Variants in BRIP1 observed in about 807,000 individuals in gnomAD.
The protein encoded by BRIP1 is Fanconi anemia group J protein.
BRIP1 carries 88 observed loss-of-function variants against 119.7 expected under a neutral mutation model. The observed-to-expected ratio is 0.74, with a 90% CI of 0.62 to 0.88. The LOEUF (loss-of-function observed/expected upper bound fraction) is 0.88. Ranked by LOEUF, BRIP1 falls within the 40% of genes least tolerant of loss-of-function variation. The pLI is 0.00. For synonymous variants in BRIP1, 443 were observed against 496.5 expected (o/e 0.89, Z 1.43); for missense variants, 1,259 against 1,455.4 (o/e 0.87, Z 2.20).
Position 61,684,222 on chromosome 17 carries a change from A to G in BRIP1, c.2906-82T>C. On this transcript the variant is annotated intron_variant, in intron 19 of 19. Coordinates refer to ENST00000259008, the MANE Select transcript of BRIP1 (RefSeq NM_032043.3). The surrounding 1 kb of genome is among the most constrained non-coding windows in gnomAD (Gnocchi z 4.5). ...TAGGTTAAAATAATTATTTATTAGA[A>G]ATACCTAAATAACTGTATAGGATAC... 8 of 1,450,716 alleles carry G rather than the reference A, an allele frequency of 5.5e-6. 1 individual carries two copies. In the South Asian group the frequency reaches 1.0e-4, roughly 18 times the overall value. The allele number at this position is 1,450,716 out of a possible 1,614,324, so 89.9% of individuals were successfully genotyped here.
At chr17:61,715,183 C>G (rs1195733293) in intron 17 of BRIP1, among the ~76,000 whole-genome samples, 1 of 150,894 alleles carries the variant, frequency 6.6e-6, no homozygotes. Context: ...CTGGGCAACA[C>G]AGTGAGGCTG....
Position 61,810,430 on chromosome 17 carries a change from C to CA in BRIP1, c.628-1674dup, listed in dbSNP as rs1284445720. On this transcript the variant is annotated intron_variant, in intron 6 of 19. Transcript: ENST00000259008. This position sits in a 1 kb window ranked among gnomAD's most constrained non-coding sequence, Gnocchi z 4.7. ...ATGATCACATTAATCAATTAACATA[C>CA]AAAAAGAATTAAGGTAACTCAATTA... Among the ~76,000 whole-genome samples the CA allele has an allele frequency of 6.6e-6, 1 of 152,108 alleles. No homozygotes were observed. Among genetic ancestry groups the CA allele is most frequent in the Non-Finnish European group, 1.5e-5 (1 of 68,022 alleles).
Position 61,841,521 on chromosome 17 carries a change from GCTTA to G in BRIP1, c.627+5576_627+5579del, listed in dbSNP as rs2078657108. On this transcript the variant is annotated intron_variant, in intron 6 of 19. Transcript: ENST00000259008. The surrounding 1 kb of genome is among the most constrained non-coding windows in gnomAD (Gnocchi z 4.1). ...GATATCATCTCACTCAGTTAGAATG[GCTTA>G]CTATCGAAAAGACAAAAAAAAATAA... 6.6e-6 allele frequency among the ~76,000 whole-genome samples: 1 copy of G among 151,982 alleles called. No homozygotes were observed. Among genetic ancestry groups the G allele is most frequent in the South Asian group, 2.1e-4 (1 of 4,826 alleles).
intron 8 of BRIP1, among the ~76,000 whole-genome samples, chr17:61,800,066 T>C (rs2077966658): frequency 6.6e-6 from 1 of 152,170 alleles, no homozygotes; most frequent in Non-Finnish European, 1.5e-5. Context: ...TATGTGGCCA[T>C]GCTCTTTTCT....
chr17:61,747,463 T>A (rs2077073310), intron 14 of BRIP1, among the ~76,000 whole-genome samples: 1 of 150,998 alleles, frequency 6.6e-6, no homozygotes. Flanking sequence ...GACACACTGA[T>A]GCCACCGATA....
Position 61,761,588 on chromosome 17 carries a change from C to G in BRIP1, c.2097+14813G>C, listed in dbSNP as rs577317536. On this transcript the variant is annotated intron_variant, in intron 14 of 19. Transcript: ENST00000259008. This position sits in a 1 kb window ranked among gnomAD's most constrained non-coding sequence, Gnocchi z 6.4. Reference sequence around the variant, plus strand: ...ACTTGCAGGATACAAAATCAACACACAAAAAATCAGTAGCATTTCTATATA... The same window carrying G: ...ACTTGCAGGATACAAAATCAACACAGAAAAAATCAGTAGCATTTCTATATA... Among the ~76,000 whole-genome samples, 4 of 151,846 alleles carry G rather than the reference C, an allele frequency of 2.6e-5. No individual in the cohort carries two copies. Among genetic ancestry groups the G allele is most frequent in the Admixed American group, 2.0e-4 (3 of 15,230 alleles).
rs2078443485 is a variant in BRIP1 at position 61,828,574 on chromosome 17, T to C, written c.627+18527A>G. Among the ~76,000 whole-genome samples, 1 of 151,850 alleles carries C rather than the reference T, an allele frequency of 6.6e-6. No homozygotes were observed. The highest frequency in any genetic ancestry group is 1.5e-5 in the Non-Finnish European group (1 of 67,980). On this transcript the variant is annotated intron_variant, in intron 6 of 19. Transcript: ENST00000259008. The surrounding 1 kb of genome is among the most constrained non-coding windows in gnomAD (Gnocchi z 4.1). ...TATATATATTTTACCATTAAAAACA[T>C]GAAGGTAAGAAAAAAAGCTGAAAAA...
rs1332130246 is a variant in BRIP1 at position 61,845,875 on chromosome 17, GAAACTGGTTTTTTTTCA to G, written c.627+1209_627+1225del. Among the ~76,000 whole-genome samples the G allele has an allele frequency of 6.6e-6, 1 of 152,146 alleles. No individual in the cohort carries two copies. Among genetic ancestry groups the G allele is most frequent in the Non-Finnish European group, 1.5e-5 (1 of 68,028 alleles). ...TGCTTCATCAAAGACATTCTTAAAT[GAAACTGGTTTTTTTTCA>G]AAACTGTGATCTAATGATGCTGGAA... On this transcript the variant is annotated intron_variant, in intron 6 of 19. Transcript: ENST00000259008. This position sits in a 1 kb window ranked among gnomAD's most constrained non-coding sequence, Gnocchi z 4.2.
chr17:61,785,406 T>G (rs962850309), intron 10 of BRIP1, among the ~76,000 whole-genome samples: 1 of 152,112 alleles, frequency 6.6e-6, no homozygotes, highest in Non-Finnish European at 1.5e-5. Flanking sequence ...TTCTGAATAC[T>G]GAAGCAATAA....
At chr17:61,784,731 A>G (rs1019616671) in intron 10 of BRIP1, among the ~76,000 whole-genome samples, 4 of 152,104 alleles carry the variant, frequency 2.6e-5, no homozygotes, top group African/African-American at 7.2e-5. Flanking sequence ...GTTGTTAGAA[A>G]GAGCCTGACA....
rs548439377 is a variant in BRIP1 at position 61,713,207 on chromosome 17, GT to G, written c.2492+2743del. On this transcript the variant is annotated intron_variant, in intron 17 of 19. Transcript: ENST00000259008. The surrounding 1 kb of genome is among the most constrained non-coding windows in gnomAD (Gnocchi z 4.9). ...ATAAAAGTATAGCACATACAATTATGTATGGTATATAATACTTGATAATGAT... is the reference window on the plus strand; with the variant it reads ...ATAAAAGTATAGCACATACAATTATGATGGTATATAATACTTGATAATGAT... 2.3e-3 allele frequency among the ~76,000 whole-genome samples: 351 copies of G among 152,186 alleles called. 1 individual carries two copies. Among genetic ancestry groups the G allele is most frequent in the Middle Eastern group, 6.8e-3 (2 of 294 alleles).
chr17:61,850,858 A>C (rs993210945), intron 4 of BRIP1, among the ~76,000 whole-genome samples: 1 of 151,964 alleles, frequency 6.6e-6, no homozygotes, highest in Non-Finnish European at 1.5e-5. Context: ...GAGATTACAT[A>C]AACTCAGAAA....
Position 61,841,766 on chromosome 17 carries a change from C to T in BRIP1, c.627+5335G>A, listed in dbSNP as rs2078660985. 6.6e-6 allele frequency among the ~76,000 whole-genome samples: 1 copy of T among 152,188 alleles called. No homozygotes were observed. The highest frequency in any genetic ancestry group is 6.5e-5 in the Admixed American group (1 of 15,272). ...GATCATATCTCACCACAGTCTGAAA[C>T]TCCTAGAGTCAAGTGATCGCCCATG... On this transcript the variant is annotated intron_variant, in intron 6 of 19. Transcript: ENST00000259008. The surrounding 1 kb of genome is among the most constrained non-coding windows in gnomAD (Gnocchi z 4.1).
rs2061370834 is a variant in BRIP1, at chr17:61,686,732, ATTTT to A, written c.2576-571_2576-568del. ...CCTTCTGAATTTTTATGATATAATT[ATTTT>A]TAATATATAATCAAGTTATAAAGGA... On this transcript the variant is annotated intron_variant, in intron 18 of 19. Transcript: ENST00000259008. The surrounding 1 kb of genome is among the most constrained non-coding windows in gnomAD (Gnocchi z 5.4). Among the ~76,000 whole-genome samples, 1 of 152,024 alleles carries A rather than the reference ATTTT, an allele frequency of 6.6e-6. No individual in the cohort carries two copies. The highest frequency in any genetic ancestry group is 1.5e-5 in the Non-Finnish European group (1 of 67,988).
chr17:61,857,329 G>A lies in BRIP1; in HGVS notation c.206-98C>T, dbSNP rs544245475. The stretch of plus-strand genomic sequence containing the variant: ...CACCCAGGATTGGGAGGTTTCCTAA[G>A]ATAAAAGATTTTTAGGGCTAACACC... On this transcript the variant is annotated intron_variant, in intron 3 of 19. Transcript: ENST00000259008. This position sits in a 1 kb window ranked among gnomAD's most constrained non-coding sequence, Gnocchi z 5.1. 5.9e-6 allele frequency: 7 copies of A among 1,181,046 alleles called. No homozygotes were observed. The South Asian group carries it at 1.1e-4, about 19-fold the overall frequency. The allele number at this position is 1,181,046 out of a possible 1,614,324, so 73.2% of individuals were successfully genotyped here.
In BRIP1 at chr17:61,757,700, T is replaced by C. The variant is rs145405281; in HGVS notation, c.2098-13109A>G. Among the ~76,000 whole-genome samples the C allele has an allele frequency of 7.6e-3, 1,163 of 152,150 alleles. 7 individuals are homozygous for C. Among genetic ancestry groups the C allele is most frequent in the South Asian group, 0.017 (81 of 4,826 alleles). ...GAAATTCTACTTTCCTGAAATCATG[T>C]GAAAAGAAAACAATAAAAGCCAGAC... On this transcript the variant is annotated intron_variant, in intron 14 of 19. Coordinates refer to ENST00000259008, the MANE Select transcript of BRIP1 (RefSeq NM_032043.3). This position sits in a 1 kb window ranked among gnomAD's most constrained non-coding sequence, Gnocchi z 4.3.
chr17:61,792,500 C>T (rs1031127141), intron 10 of BRIP1, among the ~76,000 whole-genome samples: 2 of 152,038 alleles, frequency 1.3e-5, no homozygotes, highest in Non-Finnish European at 2.9e-5. Flanking sequence ...AAGAAATGAG[C>T]TATCAAGGCA....
rs1357329612 is a variant in BRIP1, at chr17:61,761,173, T to A, written c.2097+15228A>T. Among the ~76,000 whole-genome samples the A allele has an allele frequency of 6.6e-6, 1 of 152,102 alleles. No homozygotes were observed. The highest frequency in any genetic ancestry group is 1.5e-5 in the Non-Finnish European group (1 of 67,972). On this transcript the variant is annotated intron_variant, in intron 14 of 19. Transcript: ENST00000259008. This position sits in a 1 kb window ranked among gnomAD's most constrained non-coding sequence, Gnocchi z 6.4. ...AAAACCATATGATCATCTCATTAGA[T>A]GTAGAAAAATCATTTGACAAAATTC...
In BRIP1 at chr17:61,861,852, C is replaced by T. The variant is rs2078978927; in HGVS notation, c.-30-283G>A. ...CTAAGCCACAGTGACTGCATGTACC[C>T]CATAGGATTGTGGTAATGATTAAGT... On this transcript the variant is annotated intron_variant, in intron 1 of 19. Coordinates refer to ENST00000259008, the MANE Select transcript of BRIP1 (RefSeq NM_032043.3). The surrounding 1 kb of genome is among the most constrained non-coding windows in gnomAD (Gnocchi z 4.5). The T allele has an allele frequency of 2.2e-6, 1 of 446,892 alleles. No individual in the cohort carries two copies. The highest frequency in any genetic ancestry group is 4.1e-6 in the Non-Finnish European group (1 of 242,638). 27.7% of individuals were successfully genotyped at this position (446,892 alleles called of 1,614,324 possible). A position where few individuals can be genotyped will look rare whatever the true frequency, so the allele number is the denominator to read the frequency against.
Sources: gnomAD v4.1 joint callset for allele counts (sites outside exome capture counted in the v4.1 genomes callset) on GRCh38, gnomAD v4.1.1 for gene constraint, Gnocchi (gnomAD v3.1) non-coding constraint, MANE v1.5 for transcripts, NCBI Gene and HGNC (gene_info 2026-07-23, HGNC 2026-07-21) for gene names.